The following PRPF18 variants were observed in gnomAD, a reference collection of about 807,000 sequenced individuals.
PRPF18 encodes pre-mRNA-splicing factor 18.
In PRPF18, 38 loss-of-function variants were observed where a neutral mutation model predicts 46.5. The ratio of observed to expected loss-of-function variants is 0.82; its 90% CI spans 0.63 to 1.07. The LOEUF (loss-of-function observed/expected upper bound fraction) is 1.07. PRPF18 is among the 50% of genes least tolerant of loss of function. The pLI is 0.00. For missense variants in PRPF18, 263 were observed against 410.0 expected (o/e 0.64, Z 3.10); for synonymous variants, 152 against 146.7 (o/e 1.04, Z -0.26).
chr10:13,615,712 C>G (rs2080328949), intron 8 of PRPF18, among the ~76,000 whole-genome samples: 1 of 150,028 alleles, frequency 6.7e-6, no homozygotes, highest in Non-Finnish European at 1.5e-5. Flanking sequence ...GCTAGCCAGG[C>G]TTGGTTAGGA....
chr10:13,603,041 C>T (rs955948824), intron 3 of PRPF18, among the ~76,000 whole-genome samples: 1 of 152,208 alleles, frequency 6.6e-6, no homozygotes, highest in African/African-American at 2.4e-5. Flanking sequence ...CTAGAATTTA[C>T]TTTATCTTTA....
downstream of PRPF18, among the ~76,000 whole-genome samples, chr10:13,632,211 G>A (rs1279050186): frequency 6.6e-6 from 1 of 152,040 alleles, no homozygotes; most frequent in African/African-American, 2.4e-5. Flanking sequence ...CATGGTGGCG[G>A]GTGCCTGTAG....
At chr10:13,590,131 A>AC (rs397714734) in intron 1 of PRPF18, among the ~76,000 whole-genome samples, 4 of 150,688 alleles carry the variant, frequency 2.7e-5, no homozygotes, top group East Asian at 2.0e-4. Flanking sequence ...TAAAAAAAAA[A>AC]CTTTAGATTC....
intron 1 of PRPF18, among the ~76,000 whole-genome samples, chr10:13,588,452 G>A (rs1292283240): frequency 6.6e-6 from 1 of 151,208 alleles, no homozygotes; most frequent in African/African-American, 2.4e-5. Flanking sequence ...TGGTGCGCGC[G>A]TCTAGTCCCG....
At chr10:13,634,568 T>G (rs1275966698), downstream of PRPF18, among the ~76,000 whole-genome samples, 1 of 152,252 alleles carries the variant, frequency 6.6e-6, no homozygotes, top group Non-Finnish European at 1.5e-5. Flanking sequence ...TTAGGAACCA[T>G]GAGCGTTGCA....
the PRPF18 span, chr10:13,639,548 T>TTTA: frequency 6.6e-6 from 1 of 152,262 alleles, no homozygotes; most frequent in South Asian, 2.1e-4. Flanking sequence ...GTTTTTGTCC[T>TTTA]TTATAGAGTT....
At chr10:13,636,160 G>T in the PRPF18 span, among the ~76,000 whole-genome samples, 59 of 152,336 alleles carry the variant, frequency 3.9e-4, no homozygotes, top group African/African-American at 1.4e-3. Context: ...GGTGGCTCAC[G>T]CCTGTAATGC....
rs181875997 is a variant in PRPF18 at position 13,601,063 on chromosome 10, G to C, written c.249+715G>C. Among the ~76,000 whole-genome samples the C allele has an allele frequency of 7.5e-4, 114 of 152,262 alleles. 1 individual carries two copies. Among genetic ancestry groups the C allele is most frequent in the Non-Finnish European group, 3.1e-4 (21 of 68,022 alleles). ...TCCAAAGTGCTGGGATTACAGGTGT[G>C]AGCCACCGCGCCTGGCCGCACCGTA... On this transcript the variant is annotated intron_variant, in intron 3 of 9. Coordinates refer to ENST00000378572, the MANE Select transcript of PRPF18 (RefSeq NM_003675.4).
chr10:13,617,134 A>G (rs1248360315), intron 9 of PRPF18, among the ~76,000 whole-genome samples: 1 of 152,214 alleles, frequency 6.6e-6, no homozygotes, highest in Non-Finnish European at 1.5e-5. Context: ...CCTAGTGGGA[A>G]GAAAATCGAC....
At chr10:13,653,409 G>A in the PRPF18 span, 7 of 152,306 alleles carry the variant, frequency 4.6e-5, no homozygotes, top group Non-Finnish European at 7.3e-5. Flanking sequence ...GGAAGGCTGA[G>A]GCAGGAGAAT....
At chr10:13,607,578 A>C (rs2080209170) in intron 4 of PRPF18, among the ~76,000 whole-genome samples, 1 of 152,056 alleles carries the variant, frequency 6.6e-6, no homozygotes, top group South Asian at 2.1e-4. Flanking sequence ...TGCCTGGCTG[A>C]TTTTTTAATT....
intron 9 of PRPF18, among the ~76,000 whole-genome samples, chr10:13,617,295 T>C (rs1403785701): frequency 6.6e-6 from 1 of 152,254 alleles, no homozygotes; most frequent in African/African-American, 2.4e-5. Flanking sequence ...CTTTCAGATT[T>C]TGTGCCAGAG....
chr10:13,636,735 TTCA>T, the PRPF18 span, among the ~76,000 whole-genome samples: 1 of 152,210 alleles, frequency 6.6e-6, no homozygotes, highest in Non-Finnish European at 1.5e-5. Context: ...CAGAAATCTC[TTCA>T]TGTCCTCTTC....
chr10:13,598,881 G>A (rs2080069401), intron 2 of PRPF18, among the ~76,000 whole-genome samples: 1 of 152,152 alleles, frequency 6.6e-6, no homozygotes, highest in East Asian at 1.9e-4. Context: ...AGGTAGGAAA[G>A]TAACTTAATA....
chr10:13,647,743 T>G, the PRPF18 span: 6 of 151,976 alleles, frequency 3.9e-5, no homozygotes, highest in African/African-American at 7.2e-5. Context: ...TTTTTTTTTT[T>G]TTTTTAAGTA....
chr10:13,641,091 C>G, the PRPF18 span: 1 of 152,224 alleles, frequency 6.6e-6, no homozygotes, highest in Non-Finnish European at 1.5e-5. Flanking sequence ...CTAAATCTTC[C>G]ACTATCCTGC....
chr10:13,609,893 A>G, intron 4 of PRPF18, 146 bp from the exon 5 acceptor site: 2 of 744,646 alleles, frequency 2.7e-6, no homozygotes, highest in African/African-American at 1.8e-5. Context: ...GTTGTGTGAT[A>G]AATTGATGTG....
chr10:13,652,961 C>T, the PRPF18 span: 2 of 151,702 alleles, frequency 1.3e-5, no homozygotes, highest in Non-Finnish European at 2.9e-5. Context: ...TTTGGGGTCA[C>T]AGAGGGCAGA....
the PRPF18 span, chr10:13,646,143 G>A: frequency 6.6e-6 from 1 of 152,538 alleles, no homozygotes; most frequent in African/African-American, 2.4e-5. Context: ...CGTGGCATTG[G>A]GGCAGTTTTT....
Sources: gnomAD v4.1 joint callset for allele counts (sites outside exome capture counted in the v4.1 genomes callset) on GRCh38, gnomAD v4.1.1 for gene constraint, MANE v1.5 for transcripts, NCBI Gene and HGNC (gene_info 2026-07-23, HGNC 2026-07-21) for gene names.